MYOM2: variants seen among roughly 807,000 people sequenced by gnomAD.
MYOM2 encodes the protein myomesin 2.
A neutral mutation model predicts 187.6 loss-of-function variants in MYOM2; 254 were observed. That is an observed-to-expected ratio of 1.35 (90% CI 1.22 to 1.50). MYOM2 has a LOEUF of 1.50. MYOM2 is among the 40% of genes most tolerant of loss of function. The pLI, the probability that MYOM2 is intolerant of heterozygous loss-of-function variation, is 0.00. For missense variants in MYOM2, 2,796 were observed against 1,924.0 expected (o/e 1.45, Z -8.48); for synonymous variants, 981 against 753.8 (o/e 1.30, Z -4.94).
intron 9 of MYOM2, among the ~76,000 whole-genome samples, chr8:2,072,985 T>C (rs1043323247): frequency 3.3e-5 from 5 of 152,206 alleles, no homozygotes; most frequent in African/African-American, 1.2e-4. Context: ...TGCACACCCC[T>C]GTAATCCCCC....
Position 2,086,330 on chromosome 8 carries a change from GCCCCCCA to G in MYOM2, c.1644+942_1644+948del. On this transcript the variant is annotated intron_variant, in intron 14 of 36. Coordinates refer to ENST00000262113, the MANE Select transcript of MYOM2 (RefSeq NM_003970.4). ...CCCCCACAGTCGTGATCTCTGCGTG[GCCCCCCA>G]CTGTTGTGATCTCTGCGTGGCCTCC... 1.5e-3 allele frequency among the ~76,000 whole-genome samples: 144 copies of G among 94,496 alleles called. 42 individuals are homozygous for G. Among genetic ancestry groups the G allele is most frequent in the Middle Eastern group, 6.3e-3 (1 of 160 alleles). 62.0% of individuals were successfully genotyped at this position (94,496 alleles called of 152,430 possible). A position where few individuals can be genotyped will look rare whatever the true frequency, so the allele number is the denominator to read the frequency against.
intron 32 of MYOM2, among the ~76,000 whole-genome samples, chr8:2,130,209 T>G (rs1437899894): frequency 1.4e-5 from 2 of 141,366 alleles, no homozygotes; most frequent in Admixed American, 7.1e-5. Flanking sequence ...CGCCTTTAGT[T>G]AACGCCCGTC....
At chr8:2,095,348 G>A (rs969324506) in intron 17 of MYOM2, among the ~76,000 whole-genome samples, 3 of 149,088 alleles carry the variant, frequency 2.0e-5, no homozygotes, top group Non-Finnish European at 4.4e-5. Flanking sequence ...CTGGGGTGCA[G>A]TCGTGTGATC....
chr8:2,074,399 G>A (rs1344471162), intron 10 of MYOM2, among the ~76,000 whole-genome samples: 1 of 152,068 alleles, frequency 6.6e-6, no homozygotes, highest in Admixed American at 6.6e-5. Flanking sequence ...ACTTTGTAGT[G>A]TTTTTGGCAT....
chr8:2,056,060 A>T (rs914846031), intron 3 of MYOM2, among the ~76,000 whole-genome samples: 3 of 152,202 alleles, frequency 2.0e-5, no homozygotes, highest in Non-Finnish European at 4.4e-5. Flanking sequence ...TTTATGAGAC[A>T]TCTTCTATGT....
At chr8:2,045,757 CA>C (rs1270853951) in intron 1 of MYOM2, among the ~76,000 whole-genome samples, 1 of 152,204 alleles carries the variant, frequency 6.6e-6, no homozygotes, top group Non-Finnish European at 1.5e-5. Context: ...TGTGACCCTT[CA>C]GACTTCTTCA....
Position 2,085,255 on chromosome 8 carries a change from T to G in MYOM2, c.1517-8T>G. On this transcript the variant is annotated splice_region_variant and splice_polypyrimidine_tract_variant and intron_variant, in intron 13 of 36. Coordinates refer to ENST00000262113, the MANE Select transcript of MYOM2 (RefSeq NM_003970.4). ...CTTCAGCACTCACCGAATTTATTATTCCTCCAGGTGACGCCCAGGTTCCAG... is the reference window on the plus strand; with the variant it reads ...CTTCAGCACTCACCGAATTTATTATGCCTCCAGGTGACGCCCAGGTTCCAG... The G allele has an allele frequency of 6.2e-7, 1 of 1,613,660 alleles. No individual in the cohort carries two copies. Among genetic ancestry groups the G allele is most frequent in the Non-Finnish European group, 8.5e-7 (1 of 1,179,760 alleles).
Position 2,092,398 on chromosome 8 carries a change from G to C in MYOM2, c.1881G>C (p.Ser627=). ...RVLASRNTKT[S]VVVQWDRPKH... is the part of the protein sequence containing the mutation. ...TTGCTTCCCGAAACACCAAGACGTC[G>C]GTGGTGGTGCAGTGGGACCGACCTA... Residue 627 remains serine, a synonymous_variant, in exon 16 of 37, where the codon TCG becomes TCC. Coordinates refer to ENST00000262113, the MANE Select transcript of MYOM2 (RefSeq NM_003970.4). The C allele has an allele frequency of 6.2e-7, 1 of 1,614,158 alleles. No individual in the cohort carries two copies. The highest frequency in any genetic ancestry group is 1.1e-5 in the South Asian group (1 of 91,088).
intron 3 of MYOM2, among the ~76,000 whole-genome samples, chr8:2,056,822 A>T (rs952574439): frequency 6.6e-6 from 1 of 152,184 alleles, no homozygotes; most frequent in African/African-American, 2.4e-5. Flanking sequence ...GACCTGGGAA[A>T]GCATCAAGCC....
chr8:2,056,517 C>T (rs968665347), intron 3 of MYOM2, among the ~76,000 whole-genome samples: 3 of 122,254 alleles, frequency 2.5e-5, no homozygotes, highest in Non-Finnish European at 5.2e-5. Context: ...ACGATGTGAA[C>T]ATTTCTGAGT....
intron 6 of MYOM2, among the ~76,000 whole-genome samples, chr8:2,059,987 C>T (rs986447071): frequency 6.6e-6 from 1 of 152,158 alleles, no homozygotes; most frequent in Admixed American, 6.5e-5. Flanking sequence ...TGTGATCCAC[C>T]TGCCTCGGTC....
At chr8:2,099,262 G>C (rs1796603774) in intron 19 of MYOM2, among the ~76,000 whole-genome samples, 1 of 152,216 alleles carries the variant, frequency 6.6e-6, no homozygotes, top group South Asian at 2.1e-4. Flanking sequence ...CCCAGACTGT[G>C]GGGAGAGGGA....
intron 17 of MYOM2, among the ~76,000 whole-genome samples, 183 bp downstream of exon 17, chr8:2,094,274 T>G (rs370069573): frequency 6.6e-6 from 1 of 152,158 alleles, no homozygotes; most frequent in South Asian, 2.1e-4. Context: ...AATGACAGTG[T>G]GAGAGGGAGA....
rs150823640 is a variant in MYOM2, at chr8:2,082,999, G to A, written c.1517-2264G>A. 1.8e-3 allele frequency among the ~76,000 whole-genome samples: 270 copies of A among 152,222 alleles called. 2 individuals are homozygous for A. Among genetic ancestry groups the A allele is most frequent in the African/African-American group, 6.0e-3 (249 of 41,540 alleles). On this transcript the variant is annotated intron_variant, in intron 13 of 36. Transcript: ENST00000262113. ...GCCACCCAGTAGCTGTGCGATCTTA[G>A]GAAAGTGATATGTTTTTATGAGATC...
Position 2,073,329 on chromosome 8 carries a change from G to A in MYOM2, c.959-10G>A, listed in dbSNP as rs766237834. Reference sequence around the variant, plus strand: ...TTGGATGCAAACCTTCCGTGTTAACGCTCTTTCAGACGTGCTGTTGAAAGA... The same window carrying A: ...TTGGATGCAAACCTTCCGTGTTAACACTCTTTCAGACGTGCTGTTGAAAGA... On this transcript the variant is annotated splice_polypyrimidine_tract_variant and intron_variant, in intron 9 of 36. Coordinates refer to ENST00000262113, the MANE Select transcript of MYOM2 (RefSeq NM_003970.4). The A allele has an allele frequency of 2.8e-5, 45 of 1,597,044 alleles. No homozygotes were observed. The highest frequency in any genetic ancestry group is 3.7e-5 in the Non-Finnish European group (43 of 1,169,592).
chr8:2,118,062 T>G lies in MYOM2; in HGVS notation c.3453+110T>G, dbSNP rs987801310. 4.2e-5 allele frequency: 38 copies of G among 898,766 alleles called. No homozygotes were observed. The South Asian group carries it at 6.0e-4, about 14-fold the overall frequency. 55.7% of individuals were successfully genotyped at this position (898,766 alleles called of 1,614,324 possible). A position where few individuals can be genotyped will look rare whatever the true frequency, so the allele number is the denominator to read the frequency against. ...GATCTGTGATGCTGGTGAGGAAACG[T>G]GTGGTGCCTGTGTAGCTGCGGATGG... On this transcript the variant is annotated intron_variant, in intron 28 of 36. Coordinates refer to ENST00000262113, the MANE Select transcript of MYOM2 (RefSeq NM_003970.4).
chr8:2,058,434 G>A (rs777937395), intron 5 of MYOM2, among the ~76,000 whole-genome samples: 1 of 152,148 alleles, frequency 6.6e-6, no homozygotes, highest in East Asian at 1.9e-4. Context: ...TTTTCAATAT[G>A]GAAAACTCAT....
rs1248420157 is a variant in MYOM2, at chr8:2,092,369, G to A, written c.1852G>A (p.Val618Ile). 1 of 1,614,060 alleles carries A rather than the reference G, an allele frequency of 6.2e-7. No individual in the cohort carries two copies. Among genetic ancestry groups the A allele is most frequent in the South Asian group, 1.1e-5 (1 of 91,080 alleles). ...AGTTGTCCCTTCTGCTCCGGGTCGG[G>A]TTCTTGCTTCCCGAAACACCAAGAC... The part of the protein sequence containing the change: ...VTVVPSAPGR[V>I]LASRNTKTSV... The change falls in exon 16 of 37, where the codon GTT (valine) becomes ATT (isoleucine). Residue 618 changes from valine to isoleucine, a missense_variant. Transcript: ENST00000262113.
chr8:2,059,466 A>C (rs140039040), intron 6 of MYOM2, among the ~76,000 whole-genome samples: 3 of 152,166 alleles, frequency 2.0e-5, no homozygotes, highest in African/African-American at 7.2e-5. Context: ...GGGAATAAAG[A>C]CAGTAGATAG....
Sources: allele counts gnomAD v4.1 joint callset (sites outside exome capture counted in the v4.1 genomes callset), GRCh38; gene constraint gnomAD v4.1.1; transcripts MANE v1.5; gene names NCBI Gene and HGNC (gene_info 2026-07-23, HGNC 2026-07-21).